The following FRAS1 variants were observed in gnomAD, a reference collection of about 807,000 sequenced individuals.
FRAS1 encodes extracellular matrix organizing protein FRAS1.
Under a neutral mutation model 435.2 loss-of-function variants are expected in FRAS1, and 290 were observed. That is an observed-to-expected ratio of 0.67 (90% CI 0.61 to 0.73). FRAS1 has a LOEUF of 0.73. Among genes scored for constraint, FRAS1 ranks in the 30% least tolerant of loss-of-function variants. The pLI is 0.00. For missense variants in FRAS1, 4,860 were observed against 5,001.5 expected (o/e 0.97, Z 0.85); for synonymous variants, 1,800 against 1,851.0 (o/e 0.97, Z 0.71).
intron 2 of FRAS1, among the ~76,000 whole-genome samples, chr4:78,175,642 A>T (rs1194387524): frequency 6.6e-6 from 1 of 152,212 alleles, no homozygotes; most frequent in Non-Finnish European, 1.5e-5. Context: ...AGGGAAAGGA[A>T]GAAGAGCATT....
rs748244219 is a variant in FRAS1 at position 78,446,844 on chromosome 4, G to A, written c.5974G>A (p.Glu1992Lys). The A allele has an allele frequency of 6.2e-7, 1 of 1,611,730 alleles. No individual in the cohort carries two copies. Among genetic ancestry groups the A allele is most frequent in the Non-Finnish European group, 8.5e-7 (1 of 1,178,980 alleles). The change falls in exon 43 of 74, where the codon GAG (glutamate) becomes AAG (lysine). Residue 1992 changes from glutamate to lysine, a missense_variant. By Grantham distance (56) the Glu-to-Lys change is moderately conservative (BLOSUM62 1). Coordinates refer to ENST00000512123, the MANE Select transcript of FRAS1 (RefSeq NM_025074.7). ...GCAAGACCTGGACACCCCAGATAAT[G>A]AGCTCATTTTTGTATTGACAAAAAA... ...SLQDLDTPDNELIFVLTKKPD... is the reference protein window; with the variant it reads ...SLQDLDTPDNKLIFVLTKKPD...
intron 18 of FRAS1, among the ~76,000 whole-genome samples, chr4:78,321,847 A>AG (rs1275511696): frequency 1.3e-5 from 2 of 151,860 alleles, no homozygotes; most frequent in Admixed American, 6.6e-5. Context: ...TCAAAAAAAA[A>AG]AAAAAAAAAG....
Position 78,260,127 on chromosome 4 carries a change from C to G in FRAS1, c.603+4752C>G, listed in dbSNP as rs908521396. 5.3e-5 allele frequency among the ~76,000 whole-genome samples: 8 copies of G among 151,998 alleles called. 2 individuals are homozygous for G. The highest frequency in any genetic ancestry group is 1.9e-4 in the African/African-American group (8 of 41,446). On this transcript the variant is annotated intron_variant, in intron 6 of 73. Transcript: ENST00000512123. ...GTAGCCTTGTAGTATAGTTTGAAGT[C>G]AGGTAGTGTGATGCCTCCAGCTTTA...
At position 78,369,241 on chromosome 4, in the gene FRAS1, A is replaced by G. The variant is rs559704490; in HGVS notation, c.2723-597A>G. On this transcript the variant is annotated intron_variant, in intron 22 of 73. Transcript: ENST00000512123. The stretch of plus-strand genomic sequence containing the variant: ...GACTTGGAGGTTTCTGGCATGAACA[A>G]CTGTGTAGATGGAGAAATGCCAGTT... 5.3e-5 allele frequency among the ~76,000 whole-genome samples: 8 copies of G among 152,322 alleles called. No individual in the cohort carries two copies. In the South Asian group the frequency reaches 1.7e-3, roughly 32 times the overall value.
intron 48 of FRAS1, 46 bp downstream of exon 48, chr4:78,464,191 G>A (rs367965912): frequency 9.2e-5 from 145 of 1,575,662 alleles, no homozygotes; most frequent in Admixed American, 2.8e-4. Flanking sequence ...TTGATTCCTC[G>A]CCATCTTCTT....
intron 24 of FRAS1, among the ~76,000 whole-genome samples, chr4:78,373,831 G>A (rs1352065460): frequency 1.3e-5 from 2 of 152,124 alleles, no homozygotes; most frequent in African/African-American, 4.8e-5. Flanking sequence ...TCACTTTATA[G>A]TTTATCTAGC....
chr4:78,253,073 A>C (rs903475172), intron 5 of FRAS1, among the ~76,000 whole-genome samples: 1 of 152,146 alleles, frequency 6.6e-6, no homozygotes, highest in South Asian at 2.1e-4. Flanking sequence ...TCGCAACCAC[A>C]TAAGACAGAA....
chr4:78,212,298 C>T (rs952519807), intron 2 of FRAS1, among the ~76,000 whole-genome samples: 14 of 152,284 alleles, frequency 9.2e-5, no homozygotes, highest in Admixed American at 3.9e-4. Context: ...CTCTTGCATT[C>T]GCTGCATTTT....
At chr4:78,469,908 G>A (rs1295597256) in intron 50 of FRAS1, 70 bp from the exon 51 acceptor site, 2 of 1,094,946 alleles carry the variant, frequency 1.8e-6, no homozygotes, top group East Asian at 5.1e-5. Context: ...TTACAGCTGT[G>A]TAGGCCCTGG....
intron 14 of FRAS1, among the ~76,000 whole-genome samples, chr4:78,298,508 G>A (rs1728253255): frequency 6.6e-6 from 1 of 151,910 alleles, no homozygotes; most frequent in Non-Finnish European, 1.5e-5. Context: ...GTCTGGCCAT[G>A]GAACATGTCT....
At chr4:78,311,572 C>T (rs895852735) in intron 15 of FRAS1, among the ~76,000 whole-genome samples, 1 of 152,146 alleles carries the variant, frequency 6.6e-6, no homozygotes, top group African/African-American at 2.4e-5. Context: ...AGGGAGTTTC[C>T]TGGGATTTAT....
At chr4:78,214,909 AGTT>A (rs1343015471) in intron 2 of FRAS1, among the ~76,000 whole-genome samples, 1 of 152,166 alleles carries the variant, frequency 6.6e-6, no homozygotes, top group Non-Finnish European at 1.5e-5. Flanking sequence ...CTGTCCTCCC[AGTT>A]GTTATGATCT....
intron 61 of FRAS1, among the ~76,000 whole-genome samples, chr4:78,503,522 T>C (rs988705557): frequency 6.6e-6 from 1 of 152,258 alleles, no homozygotes; most frequent in Non-Finnish European, 1.5e-5. Context: ...TAGTATTCTC[T>C]GATGGTAGTT....
At chr4:78,144,583 A>C (rs10007371) in intron 2 of FRAS1, among the ~76,000 whole-genome samples, 24,801 of 152,042 alleles carry the variant, frequency 0.16, 2,209 homozygotes, top group Admixed American at 0.2. Flanking sequence ...TATTGAAGAA[A>C]ATATAAATAT....
chr4:78,378,703 C>G (rs962103056), intron 26 of FRAS1, among the ~76,000 whole-genome samples: 16 of 149,358 alleles, frequency 1.1e-4, no homozygotes, highest in African/African-American at 4.0e-4. Flanking sequence ...ATTCTTCACC[C>G]ATTTTAAAAA....
At chr4:78,450,780 C>T (rs1172520394) in intron 45 of FRAS1, among the ~76,000 whole-genome samples, 1 of 152,060 alleles carries the variant, frequency 6.6e-6, no homozygotes, top group Non-Finnish European at 1.5e-5. Flanking sequence ...ATCGGAGCTG[C>T]CTAGGGGAAA....
At chr4:78,287,013 C>T (rs911260590) in intron 14 of FRAS1, among the ~76,000 whole-genome samples, 1 of 152,108 alleles carries the variant, frequency 6.6e-6, no homozygotes, top group African/African-American at 2.4e-5. Flanking sequence ...TATAGAACTA[C>T]CTGAGACTGG....
intron 1 of FRAS1, among the ~76,000 whole-genome samples, chr4:78,060,729 A>C (rs2055495): frequency 0.49 from 74,888 of 151,796 alleles, 19,635 homozygotes; most frequent in African/African-American, 0.68. Context: ...TAAATGAGGT[A>C]CATTACGTGA....
intron 59 of FRAS1, among the ~76,000 whole-genome samples, chr4:78,494,559 A>G (rs1333346165): frequency 6.6e-6 from 1 of 152,180 alleles, no homozygotes; most frequent in Admixed American, 6.6e-5. Flanking sequence ...AATTCATTCA[A>G]TCCTGTGAGA....
Sources: gnomAD v4.1 joint callset for allele counts (sites outside exome capture counted in the v4.1 genomes callset) on GRCh38, gnomAD v4.1.1 for gene constraint, MANE v1.5 for transcripts, NCBI Gene and HGNC (gene_info 2026-07-23, HGNC 2026-07-21) for gene names.